KCNQ2: variants seen among roughly 807,000 people sequenced by gnomAD.
KCNQ2 encodes the protein potassium voltage-gated channel subfamily KQT member 2.
A neutral mutation model predicts 84.8 loss-of-function variants in KCNQ2; 14 were observed. The observed-to-expected ratio is 0.17, with a 90% confidence interval of 0.11 to 0.26. The LOEUF (loss-of-function observed/expected upper bound fraction) is 0.26, where lower values mean the gene tolerates loss of function less well. KCNQ2 is among the 10% of genes least tolerant of loss of function. KCNQ2 has a pLI of 1.00. For synonymous variants in KCNQ2, 599 were observed against 554.1 expected, an observed-to-expected ratio of 1.08 and a Z score of -1.14; for missense variants, 788 against 1,254.0, an observed-to-expected ratio of 0.63 and a Z score of 5.61.
Position 63,438,897 on chromosome 20 carries a change from A to AC in KCNQ2, c.928-178dup, listed in dbSNP as rs1483762424. On this transcript the variant is annotated intron_variant, in intron 6 of 16. Coordinates refer to ENST00000359125, the MANE Select transcript of KCNQ2 (RefSeq NM_172107.4). The surrounding 1 kb of genome is among the most constrained non-coding windows in gnomAD (Gnocchi z 5.1). ...CAGACCACGCCCCAGGGACTCACAC[A>AC]CCCCCCAGTTCATCAGGGTCAGACC... Among the ~76,000 whole-genome samples the AC allele has an allele frequency of 7.2e-6, 1 of 138,758 alleles. No individual in the cohort carries two copies. Among genetic ancestry groups the AC allele is most frequent in the Admixed American group, 7.3e-5 (1 of 13,650 alleles). 91.0% of individuals were successfully genotyped at this position (138,758 alleles called of 152,430 possible).
Position 63,471,902 on chromosome 20 carries a change from C to A in KCNQ2, c.296+266G>T, listed in dbSNP as rs990353742. 3 of 434,966 alleles carry A rather than the reference C, an allele frequency of 6.9e-6. No homozygotes were observed. The South Asian group carries it at 1.4e-4, about 20-fold the overall frequency. 26.9% of individuals were successfully genotyped at this position (434,966 alleles called of 1,614,324 possible). On this transcript the variant is annotated intron_variant, in intron 1 of 16. Coordinates refer to ENST00000359125, the MANE Select transcript of KCNQ2 (RefSeq NM_172107.4). ...GGGGCCTCCCAGGCTGAGGAGGGGGCTGGGGCGGCCGCACGTCTCTGTCCT... is the reference window on the plus strand; with the variant it reads ...GGGGCCTCCCAGGCTGAGGAGGGGGATGGGGCGGCCGCACGTCTCTGTCCT...
In KCNQ2 at chr20:63,407,048, G is replaced by A; in HGVS notation, c.2215C>T (p.Leu739=). 1 of 1,519,614 alleles carries A rather than the reference G, an allele frequency of 6.6e-7. No homozygotes were observed. The highest frequency in any genetic ancestry group is 1.2e-5 in the South Asian group (1 of 81,600). The allele number at this position is 1,519,614 out of a possible 1,614,324, so 94.1% of individuals were successfully genotyped here. ...GCAGGCGGCGGCGGGATGCGCACCA[G>A]GGAGCCGTGGTCCCCCACGGGGGAG... is the stretch of plus-strand genomic sequence containing the variant. ...GTSPVGDHGS[L]VRIPPPPAHE... The change falls in exon 17 of 17, where the codon CTG becomes TTG. Residue 739 remains leucine (L), a synonymous_variant. Coordinates refer to ENST00000359125, the MANE Select transcript of KCNQ2 (RefSeq NM_172107.4). This position sits in a 1 kb window ranked among gnomAD's most constrained non-coding sequence, Gnocchi z 7.2.
intron 4 of KCNQ2, among the ~76,000 whole-genome samples, chr20:63,442,950 TCA>T (rs1600772508): frequency 2.0e-4 from 3 of 15,380 alleles, no homozygotes; most frequent in Admixed American, 7.6e-4. Context: ...ACCATCACCA[TCA>T]TCACCATCAC....
chr20:63,462,129 T>C (rs1404433222), intron 1 of KCNQ2, among the ~76,000 whole-genome samples: 4 of 106,912 alleles, frequency 3.7e-5, no homozygotes, highest in Admixed American at 3.1e-4. Context: ...GGGAAGAGGC[T>C]GCACCTACCC....
At chr20:63,410,219 A>C (rs940471965) in intron 15 of KCNQ2, among the ~76,000 whole-genome samples, 2 of 152,150 alleles carry the variant, frequency 1.3e-5, no homozygotes, top group Non-Finnish European at 2.9e-5. Flanking sequence ...GTCCAGGCAG[A>C]TGCTCAGCAC....
At chr20:63,470,677 G>T (rs937073055) in intron 1 of KCNQ2, among the ~76,000 whole-genome samples, 10 of 152,206 alleles carry the variant, frequency 6.6e-5, no homozygotes, top group African/African-American at 2.4e-4. Context: ...GGGTTGTGGG[G>T]GTGGGTTCTA....
chr20:63,443,057 T>TCACCATCACCATTATCAC (rs2081270078), intron 4 of KCNQ2, among the ~76,000 whole-genome samples: 17 of 31,950 alleles, frequency 5.3e-4, no homozygotes, highest in Non-Finnish European at 8.7e-4. Flanking sequence ...ATCATCAGCA[T>TCACCATCACCATTATCAC]CACCATCACC....
chr20:63,466,604 G>A (rs2082089283), intron 1 of KCNQ2: 1 of 152,250 alleles, frequency 6.6e-6, no homozygotes, highest in Non-Finnish European at 1.5e-5. Flanking sequence ...GCACGCATCA[G>A]GCATCGTGTG....
Position 63,406,507 on chromosome 20 carries a change from A to G in KCNQ2, c.*137T>C, listed in dbSNP as rs1021784004. Reference sequence around the variant, plus strand: ...CAGGAGCCCCCATCCTTCAGCCCACATGGGCCCCTCCAGGGCCCACCCTTC... The same window carrying G: ...CAGGAGCCCCCATCCTTCAGCCCACGTGGGCCCCTCCAGGGCCCACCCTTC... On this transcript the variant is annotated 3_prime_UTR_variant, in exon 17 of 17. Coordinates refer to ENST00000359125, the MANE Select transcript of KCNQ2 (RefSeq NM_172107.4). 2 of 1,050,114 alleles carry G rather than the reference A, an allele frequency of 1.9e-6. No homozygotes were observed. The highest frequency in any genetic ancestry group is 1.6e-5 in the African/African-American group (1 of 62,222). 65.0% of individuals were successfully genotyped at this position (1,050,114 alleles called of 1,614,324 possible). A position where few individuals can be genotyped will look rare whatever the true frequency, so the allele number is the denominator to read the frequency against.
At chr20:63,434,291 T>G in intron 7 of KCNQ2, 1 of 229,048 alleles carries the variant, frequency 4.4e-6, no homozygotes, top group Non-Finnish European at 8.5e-6. Context: ...CCTGAGGCGC[T>G]GGGAGTATGG....
intron 5 of KCNQ2, 58 bp from the exon 6 acceptor site, chr20:63,439,766 C>G (rs2084179663): frequency 3.0e-6 from 4 of 1,346,612 alleles, no homozygotes; most frequent in Non-Finnish European, 4.3e-6. Context: ...TGAGGGCAGG[C>G]TGGACGCCCG....
chr20:63,454,481 G>C (rs541660660), intron 1 of KCNQ2, among the ~76,000 whole-genome samples: 1 of 152,352 alleles, frequency 6.6e-6, no homozygotes, highest in African/African-American at 2.4e-5. Context: ...GGGACGCAAA[G>C]ATCCCGGTGC....
intron 7 of KCNQ2, among the ~76,000 whole-genome samples, chr20:63,435,190 C>A (rs997107451): frequency 6.6e-6 from 1 of 152,146 alleles, no homozygotes; most frequent in Non-Finnish European, 1.5e-5. Context: ...GGAGTTCAAG[C>A]CCAGCCTGGG....
At position 63,406,948 on chromosome 20, in the gene KCNQ2, G is replaced by A. The variant is rs774206764; in HGVS notation, c.2315C>T (p.Pro772Leu). 25 of 1,583,636 alleles carry A rather than the reference G, an allele frequency of 1.6e-5. No individual in the cohort carries two copies. The highest frequency in any genetic ancestry group is 3.5e-5 in the Admixed American group (2 of 57,158). The change falls in exon 17 of 17, where the codon CCG becomes CTG. Residue 772 changes from proline to leucine, a missense_variant. Around this residue, in one of 8 missense-constraint regions of KCNQ2, gnomAD observed 378 missense variants for 434.5 expected, o/e 0.87. Coordinates refer to ENST00000359125, the MANE Select transcript of KCNQ2 (RefSeq NM_172107.4). The stretch of plus-strand genomic sequence containing the variant: ...GTTCCCCTCGGGGGGCCTGCAGCCC[G>A]GGGTGTCCTCCTGCCGCAGGAACTC... ...SMEFLRQEDT[P>L]GCRPPEGNLR...
intron 1 of KCNQ2, among the ~76,000 whole-genome samples, chr20:63,469,391 G>C (rs764298147): frequency 6.6e-6 from 1 of 152,240 alleles, no homozygotes; most frequent in East Asian, 1.9e-4. Flanking sequence ...CAGAGGCCAC[G>C]GCTCCCACAG....
At chr20:63,461,057 C>A (rs2081934361) in intron 1 of KCNQ2, 1 of 152,266 alleles carries the variant, frequency 6.6e-6, no homozygotes, top group African/African-American at 2.4e-5. Context: ...TGGAAAGAAA[C>A]CAGGAAGAGC....
chr20:63,417,000 G>A (rs982472394), intron 12 of KCNQ2, among the ~76,000 whole-genome samples: 10 of 152,198 alleles, frequency 6.6e-5, no homozygotes, highest in Non-Finnish European at 1.3e-4. Flanking sequence ...GAGACGGAGT[G>A]GCCGAGATCC....
chr20:63,421,681 G>GC (rs2080474525), intron 11 of KCNQ2, among the ~76,000 whole-genome samples: 1 of 152,014 alleles, frequency 6.6e-6, no homozygotes, highest in Non-Finnish European at 1.5e-5. Flanking sequence ...GGGGGAGCCC[G>GC]AACAGGCACG....
intron 1 of KCNQ2, among the ~76,000 whole-genome samples, chr20:63,470,369 A>T (rs967369563): frequency 6.6e-6 from 1 of 152,174 alleles, no homozygotes; most frequent in African/African-American, 2.4e-5. Flanking sequence ...GCTCTATCTT[A>T]GAGGGGGCCC....
Sources: gnomAD v4.1 joint callset for allele counts (sites outside exome capture counted in the v4.1 genomes callset) on GRCh38, gnomAD v4.1.1 for gene constraint, gnomAD v4.1.1 regional missense constraint, Gnocchi (gnomAD v3.1) non-coding constraint, MANE v1.5 for transcripts, NCBI Gene and HGNC (gene_info 2026-07-23, HGNC 2026-07-21) for gene names.